ATG16L2: variants seen among roughly 807,000 people sequenced by gnomAD.
ATG16L2 encodes the protein protein Atg16l2.
In ATG16L2, 77 loss-of-function variants were observed where a neutral mutation model predicts 84.7. That is an observed-to-expected ratio of 0.91 (90% confidence interval 0.76 to 1.10). The LOEUF (loss-of-function observed/expected upper bound fraction) is 1.10, where lower values mean the gene tolerates loss of function less well. Among genes scored for constraint, ATG16L2 ranks in the 50% least tolerant of loss-of-function variants. The probability of loss-of-function intolerance (pLI) is 0.00; values close to 1 mark genes in which losing one functional copy is unlikely to be tolerated. For synonymous variants in ATG16L2, 361 were observed against 342.8 expected (o/e 1.05, Z -0.59); for missense variants, 782 against 817.6 (o/e 0.96, Z 0.53).
At chr11:72,816,920 T>C in intron 2 of ATG16L2, 93 bp downstream of exon 2, 1 of 741,400 alleles carries the variant, frequency 1.3e-6, no homozygotes, top group South Asian at 1.5e-5. Flanking sequence ...CCCTAGTGCC[T>C]CATCAGCCCT....
exon 6 of ATG16L2, chr11:72,843,228 A>C: frequency 1.9e-6 from 3 of 1,614,062 alleles, no homozygotes; most frequent in Non-Finnish European, 2.5e-6. Context: ...CCGACTGTCC[A>C]AAGCGGCCAG....
exon 6 of ATG16L2, chr11:72,842,798 A>T: frequency 6.2e-7 from 1 of 1,613,996 alleles, no homozygotes; most frequent in Non-Finnish European, 8.5e-7. Context: ...ATAACTCATC[A>T]TCTGTCTGGC....
chr11:72,828,147 A>G (rs928583266), intron 14 of ATG16L2, among the ~76,000 whole-genome samples: 27 of 143,796 alleles, frequency 1.9e-4, no homozygotes, highest in Non-Finnish European at 3.9e-4. Flanking sequence ...TCCAGCTTTC[A>G]AATCAAAGTC....
chr11:72,840,041 T>TA (rs1860863311), intron 5 of ATG16L2, among the ~76,000 whole-genome samples: 1 of 152,182 alleles, frequency 6.6e-6, no homozygotes, highest in Non-Finnish European at 1.5e-5. Flanking sequence ...TTCCCACTCT[T>TA]ACCCACCAGT....
At chr11:72,819,722 G>A (rs1859874140) in intron 3 of ATG16L2, among the ~76,000 whole-genome samples, 1 of 152,116 alleles carries the variant, frequency 6.6e-6, no homozygotes, top group African/African-American at 2.4e-5. Context: ...CAGAGGATGG[G>A]GGCAGTGAGG....
intron 14 of ATG16L2, among the ~76,000 whole-genome samples, chr11:72,827,905 C>T (rs1457121435): frequency 6.6e-6 from 1 of 152,200 alleles, no homozygotes; most frequent in African/African-American, 2.4e-5. Flanking sequence ...TGCCGTCCAG[C>T]CTGGGCGACA....
At position 72,828,941 on chromosome 11, in the gene ATG16L2, G is replaced by A. The variant is rs762539163; in HGVS notation, c.1729G>A (p.Val577Met). The change falls in exon 17 of 18, where the codon GTG becomes ATG. Residue 577 changes from valine (V) to methionine (M), a missense_variant. By Grantham distance (21) the Val-to-Met change is conservative. Transcript: ENST00000321297. Reference protein sequence around the residue: ...SCDGALYIWDVDTGKLESRLQ... With the variant: ...SCDGALYIWDMDTGKLESRLQ... ...TGATGGGGCCCTTTACATCTGGGAT[G>A]TGGACACCGGGAAACTGGAGAGCAG... is the stretch of plus-strand genomic sequence containing the variant. 1.2e-6 allele frequency: 2 copies of A among 1,614,182 alleles called. No individual in the cohort carries two copies. The highest frequency in any genetic ancestry group is 1.7e-6 in the Non-Finnish European group (2 of 1,180,026).
Position 72,824,226 on chromosome 11 carries a change from A to G in ATG16L2, c.887+104A>G, listed in dbSNP as rs1860196956. 2.1e-6 allele frequency: 3 copies of G among 1,410,938 alleles called. No individual in the cohort carries two copies. In the African/African-American group the frequency reaches 4.2e-5, roughly 20 times the overall value. 87.4% of individuals were successfully genotyped at this position (1,410,938 alleles called of 1,614,324 possible). A position where few individuals can be genotyped will look rare whatever the true frequency, so the allele number is the denominator to read the frequency against. On this transcript the variant is annotated intron_variant, in intron 8 of 17. Transcript: ENST00000321297. ...CGACCTGTCCATCCCTGTGATGTGC[A>G]GCTGTCTGCCTGTGAGTCTGTTGGG...
At chr11:72,821,635 T>C (rs1395457355) in intron 3 of ATG16L2, 33 bp from the exon 4 acceptor site, 5 of 1,521,984 alleles carry the variant, frequency 3.3e-6, no homozygotes, top group Non-Finnish European at 4.4e-6. Flanking sequence ...TGGAGGGGCC[T>C]CAGCGCCGCC....
rs766544041 is a variant in ATG16L2 at position 72,827,218 on chromosome 11, G to T, written c.1397G>T (p.Cys466Phe). 6.2e-7 allele frequency: 1 copy of T among 1,614,132 alleles called. No individual in the cohort carries two copies. The highest frequency in any genetic ancestry group is 8.5e-7 in the Non-Finnish European group (1 of 1,180,020). Residue 466 changes from cysteine to phenylalanine, a missense_variant, in exon 14 of 18, where the codon TGT becomes TTT. Transcript: ENST00000321297. ...AGGACCATCAATGTCCTTTCCTACT[G>T]TAATGACGTGGTGTGTGGGGACCAT... Reference protein sequence around the residue: ...CSRTINVLSYCNDVVCGDHII... With the variant: ...CSRTINVLSYFNDVVCGDHII...
intron 1 of ATG16L2, among the ~76,000 whole-genome samples, chr11:72,814,959 G>C (rs968403426): frequency 1.3e-5 from 2 of 152,256 alleles, no homozygotes; most frequent in Non-Finnish European, 2.9e-5. Flanking sequence ...GACTTGTCCA[G>C]AGCAGCCACT....
exon 6 of ATG16L2, chr11:72,843,194 C>T (rs142624444): frequency 1.6e-4 from 254 of 1,613,968 alleles, no homozygotes; most frequent in Middle Eastern, 8.2e-4. Flanking sequence ...GTTCTGCTTC[C>T]GTGGAATTGC....
At chr11:72,823,859 T>C (rs916251203) in intron 7 of ATG16L2, 13 of 742,754 alleles carry the variant, frequency 1.8e-5, no homozygotes, top group Non-Finnish European at 3.0e-5. Flanking sequence ...GAGACTTTCA[T>C]TACCAAATCC....
intron 14 of ATG16L2, among the ~76,000 whole-genome samples, 168 bp from the exon 15 acceptor site, chr11:72,828,191 A>T (rs918014243): frequency 2.0e-5 from 3 of 152,236 alleles, no homozygotes; most frequent in Non-Finnish European, 4.4e-5. Flanking sequence ...AGCTGGCTGC[A>T]GTGGGGAGAA....
intron 5 of ATG16L2, among the ~76,000 whole-genome samples, chr11:72,835,749 T>A (rs184863000): frequency 1.5e-3 from 217 of 143,056 alleles, no homozygotes; most frequent in Non-Finnish European, 2.3e-3. Context: ...TGGAACATAT[T>A]TTTTTTTTTT....
rs75185096 is a variant in ATG16L2, at chr11:72,816,640, T to G, written c.119-88T>G. ...CCATCCCTAGCATCTCTGGGCTCCT[T>G]CAGCCCTTTTAGCCGGAGATAAATT... On this transcript the variant is annotated intron_variant, in intron 1 of 17. Coordinates refer to ENST00000321297, the MANE Select transcript of ATG16L2 (RefSeq NM_033388.2). 8,537 of 1,103,178 alleles carry G rather than the reference T, an allele frequency of 7.7e-3. 389 individuals carry two copies. In the African/African-American group the frequency reaches 0.11, roughly 14 times the overall value. The allele number at this position is 1,103,178 out of a possible 1,614,324, so 68.3% of individuals were successfully genotyped here.
chr11:72,827,096 T>A (rs3862793), intron 13 of ATG16L2, 92 bp from the exon 14 acceptor site: 3 of 1,043,294 alleles, frequency 2.9e-6, no homozygotes, highest in East Asian at 2.4e-5. Flanking sequence ...GGGAGGACAC[T>A]GGGTTCTGGG....
downstream of ATG16L2, chr11:72,829,714 C>T (rs984394184): frequency 2.3e-5 from 21 of 928,308 alleles, no homozygotes; most frequent in Non-Finnish European, 2.7e-5. Flanking sequence ...CCAGGCTTGG[C>T]CCCCTTCCTC....
intron 10 of ATG16L2, 47 bp from the exon 11 acceptor site, chr11:72,826,126 T>G: frequency 5.9e-5 from 88 of 1,495,664 alleles, no homozygotes; most frequent in Non-Finnish European, 7.4e-5. Context: ...CTCCATTTTG[T>G]GAGGTTAAGA....
Sources: gnomAD v4.1 joint callset for allele counts (sites outside exome capture counted in the v4.1 genomes callset) on GRCh38, gnomAD v4.1.1 for gene constraint, MANE v1.5 for transcripts, NCBI Gene and HGNC (gene_info 2026-07-23, HGNC 2026-07-21) for gene names.